The following CEP128 variants were observed in gnomAD, a reference collection of about 807,000 sequenced individuals.
CEP128 encodes centrosomal protein 128kDa.
A neutral mutation model predicts 156.7 loss-of-function variants in CEP128; 132 were observed. That is an observed-to-expected ratio of 0.84 (90% CI 0.73 to 0.97). The LOEUF (loss-of-function observed/expected upper bound fraction) is 0.97. Ranked by LOEUF, CEP128 falls within the 50% of genes least tolerant of loss-of-function variation. The pLI is 0.00. For synonymous variants in CEP128, 469 were observed against 448.9 expected, an observed-to-expected ratio of 1.04 and a Z score of -0.57; for missense variants, 1,252 against 1,281.9, an observed-to-expected ratio of 0.98 and a Z score of 0.36.
At chr14:80,774,069 A>G (rs1262805673) in intron 16 of CEP128, among the ~76,000 whole-genome samples, 1 of 152,204 alleles carries the variant, frequency 6.6e-6, no homozygotes, top group African/African-American at 2.4e-5. Flanking sequence ...GCATTTTAAT[A>G]CCATATATCA....
At chr14:80,588,013 C>T (rs1891891489) in intron 19 of CEP128, among the ~76,000 whole-genome samples, 2 of 152,106 alleles carry the variant, frequency 1.3e-5, no homozygotes, top group Admixed American at 1.3e-4. Flanking sequence ...GGGTATTTGA[C>T]TTACTCTTTG....
At chr14:80,913,889 C>T (rs1371266674) in intron 4 of CEP128, among the ~76,000 whole-genome samples, 1 of 151,962 alleles carries the variant, frequency 6.6e-6, no homozygotes, top group Non-Finnish European at 1.5e-5. Flanking sequence ...ATCCATGAAA[C>T]CAAAAAACCA....
chr14:80,538,867 T>C (rs559080853), intron 21 of CEP128, among the ~76,000 whole-genome samples: 1 of 152,202 alleles, frequency 6.6e-6, no homozygotes, highest in Non-Finnish European at 1.5e-5. Flanking sequence ...CATTGCCTCA[T>C]GAGCCTCACA....
At chr14:80,540,700 C>G (rs566695771) in intron 21 of CEP128, among the ~76,000 whole-genome samples, 281 of 152,282 alleles carry the variant, frequency 1.8e-3, no homozygotes, top group African/African-American at 6.6e-3. Context: ...TCACCCCTAA[C>G]CAGGAGAAGG....
intron 19 of CEP128, among the ~76,000 whole-genome samples, chr14:80,729,892 A>C (rs1898199915): frequency 6.6e-6 from 1 of 152,190 alleles, no homozygotes; most frequent in Non-Finnish European, 1.5e-5. Flanking sequence ...GGAATATCTC[A>C]GAAGACACAG....
At chr14:80,698,260 CTAGTAGGAAT>C (rs1896955635) in intron 19 of CEP128, among the ~76,000 whole-genome samples, 1 of 151,928 alleles carries the variant, frequency 6.6e-6, no homozygotes, top group Non-Finnish European at 1.5e-5. Context: ...TGTACTACTC[CTAGTAGGAAT>C]TAGACAGATC....
chr14:80,533,014 C>T (rs547658797), intron 21 of CEP128, among the ~76,000 whole-genome samples: 1 of 152,272 alleles, frequency 6.6e-6, no homozygotes, highest in African/African-American at 2.4e-5. Flanking sequence ...CTTTAGGCCA[C>T]ATGTACTCAC....
intron 24 of CEP128, among the ~76,000 whole-genome samples, chr14:80,501,948 C>T (rs770527196): frequency 7.2e-5 from 11 of 152,098 alleles, no homozygotes; most frequent in African/African-American, 2.4e-4. Flanking sequence ...ACACACCTGT[C>T]GCCATTTTCC....
intron 23 of CEP128, among the ~76,000 whole-genome samples, chr14:80,520,823 T>C (rs1054093941): frequency 3.3e-5 from 5 of 151,432 alleles, no homozygotes. Flanking sequence ...AGTGACTTTA[T>C]TTATTTATTT....
intron 19 of CEP128, among the ~76,000 whole-genome samples, chr14:80,588,217 G>A (rs1891901254): frequency 6.6e-6 from 1 of 152,072 alleles, no homozygotes; most frequent in Admixed American, 6.6e-5. Flanking sequence ...ACAGACCTCA[G>A]AAGTGGAATA....
chr14:80,619,510 G>A (rs113147551), intron 19 of CEP128, among the ~76,000 whole-genome samples: 5,183 of 151,530 alleles, frequency 0.034, 295 homozygotes, highest in African/African-American at 0.12. Flanking sequence ...GACCAGCCCG[G>A]CCACCACGGT....
At chr14:80,896,705 T>C (rs1203447175) in intron 7 of CEP128, among the ~76,000 whole-genome samples, 1 of 152,206 alleles carries the variant, frequency 6.6e-6, no homozygotes, top group Non-Finnish European at 1.5e-5. Context: ...TCTTGTTTTT[T>C]CCAAGCTTTC....
intron 19 of CEP128, among the ~76,000 whole-genome samples, chr14:80,689,266 G>A (rs546801844): frequency 7.7e-6 from 1 of 130,460 alleles, no homozygotes; most frequent in Non-Finnish European, 1.5e-5. Context: ...ACTGCAGCCT[G>A]CATGACACAG....
intron 20 of CEP128, among the ~76,000 whole-genome samples, chr14:80,567,145 T>A (rs751054062): frequency 6.6e-6 from 1 of 152,188 alleles, no homozygotes; most frequent in East Asian, 1.9e-4. Context: ...GACAGAGACC[T>A]GAGGGCAGCC....
chr14:80,841,558 G>A (rs1293870772), intron 9 of CEP128, among the ~76,000 whole-genome samples: 1 of 151,766 alleles, frequency 6.6e-6, no homozygotes, highest in East Asian at 1.9e-4. Flanking sequence ...GTATGTCCAG[G>A]CATTCTTCTT....
At chr14:80,938,790 T>TA (rs1885985307) in intron 2 of CEP128, among the ~76,000 whole-genome samples, 1 of 152,188 alleles carries the variant, frequency 6.6e-6, no homozygotes, top group Non-Finnish European at 1.5e-5. Flanking sequence ...TATATTTTTT[T>TA]TAAAAAACTA....
intron 19 of CEP128, among the ~76,000 whole-genome samples, chr14:80,597,959 AAAAAAAAAAAAC>A (rs1410463990): frequency 2.0e-5 from 3 of 148,530 alleles, no homozygotes; most frequent in Non-Finnish European, 4.5e-5. Flanking sequence ...ACAAAAAAAA[AAAAAAAAAAAAC>A]AAAACCCTAT....
At chr14:80,859,850 C>T (rs1049212179) in intron 9 of CEP128, among the ~76,000 whole-genome samples, 1 of 152,114 alleles carries the variant, frequency 6.6e-6, no homozygotes, top group Non-Finnish European at 1.5e-5. Flanking sequence ...AGATTTTAGC[C>T]AAAACCACAG....
chr14:80,664,751 G>A (rs138610675), intron 19 of CEP128, among the ~76,000 whole-genome samples: 15 of 152,272 alleles, frequency 9.9e-5, no homozygotes, highest in African/African-American at 3.6e-4. Context: ...GGATATCTCA[G>A]TATATCTTAA....
Sources: gnomAD v4.1 joint callset for allele counts (sites outside exome capture counted in the v4.1 genomes callset) on GRCh38, gnomAD v4.1.1 for gene constraint, MANE v1.5 for transcripts, NCBI Gene and HGNC (gene_info 2026-07-23, HGNC 2026-07-21) for gene names.